EML1: variants seen among roughly 807,000 people sequenced by gnomAD.
EML1 encodes echinoderm microtubule-associated protein-like 1.
In EML1, 27 loss-of-function variants were observed where a neutral mutation model predicts 110.4. The observed-to-expected ratio is 0.24, with a 90% CI of 0.18 to 0.34. EML1 has a LOEUF of 0.34. Among genes scored for constraint, EML1 ranks in the 10% least tolerant of loss-of-function variants. The pLI, the probability that EML1 is intolerant of heterozygous loss-of-function variation, is 1.00. For synonymous variants in EML1, 344 were observed against 385.8 expected (o/e 0.89, Z 1.27); for missense variants, 741 against 1,030.9 (o/e 0.72, Z 3.85).
At chr14:99,848,002 G>A (rs1376257364) in intron 1 of EML1, among the ~76,000 whole-genome samples, 1 of 151,812 alleles carries the variant, frequency 6.6e-6, no homozygotes, top group East Asian at 1.9e-4. Context: ...TGAAATTATT[G>A]CTTTAATGTA....
chr14:99,911,360 A>G, intron 12 of EML1, 62 bp from the exon 13 acceptor site: 3 of 1,524,746 alleles, frequency 2.0e-6, no homozygotes, highest in Non-Finnish European at 2.6e-6. Context: ...AGATGAGATT[A>G]GAAAATGGGC....
chr14:99,931,806 A>T (rs1294665823), intron 17 of EML1, among the ~76,000 whole-genome samples: 1 of 152,216 alleles, frequency 6.6e-6, no homozygotes, highest in Non-Finnish European at 1.5e-5. Flanking sequence ...GAATGTAGGT[A>T]AAAGAGCTAG....
Position 99,751,917 on chromosome 14 carries a change from G to A in EML1, c.28+14057G>A, listed in dbSNP as rs535390043. Reference sequence around the variant, plus strand: ...GAGCCAGGGAGGGTTTTGGGCAGAGGAGTGACAGGACCTCACATCCGTTTT... The same window carrying A: ...GAGCCAGGGAGGGTTTTGGGCAGAGAAGTGACAGGACCTCACATCCGTTTT... On this transcript the variant is annotated intron_variant, in intron 1 of 10. Coordinates refer to the EML1 transcript ENST00000554479. Among the ~76,000 whole-genome samples the A allele has an allele frequency of 3.3e-5, 5 of 152,124 alleles. 1 individual carries two copies. Among genetic ancestry groups the A allele is most frequent in the Admixed American group, 6.5e-5 (1 of 15,284 alleles).
intron 20 of EML1, 32 bp downstream of exon 20, chr14:99,937,944 C>A: frequency 6.3e-7 from 1 of 1,584,862 alleles, no homozygotes; most frequent in Non-Finnish European, 8.7e-7. Flanking sequence ...CTGGTTCCAA[C>A]AAAAGAGTGT....
In EML1 at chr14:99,828,906, C is replaced by T. The variant is rs139652503; in HGVS notation, c.68-21947C>T. On this transcript the variant is annotated intron_variant, in intron 1 of 21. Coordinates refer to ENST00000262233, the MANE Select transcript of EML1 (RefSeq NM_004434.3). ...ACGGTCTTCATCCTCGTCGTCTTCA[C>T]GTTGAGTAGGCTGAGGAGGAGGAGG... is the stretch of plus-strand genomic sequence containing the variant. 8.9e-4 allele frequency among the ~76,000 whole-genome samples: 135 copies of T among 152,166 alleles called. 1 individual carries two copies. The East Asian group carries it at 0.019, about 21-fold the overall frequency.
At position 99,888,491 on chromosome 14, in the gene EML1, T is replaced by C. The variant is rs138230842; in HGVS notation, c.519-2708T>C. On this transcript the variant is annotated intron_variant, in intron 4 of 21. Coordinates refer to ENST00000262233, the MANE Select transcript of EML1 (RefSeq NM_004434.3). ...CCTGGCTTCCCTTTGATTATGTTTC[T>C]GTAATTAGATTTGCCTCGTAGTCTT... 1.4e-3 allele frequency among the ~76,000 whole-genome samples: 217 copies of C among 152,384 alleles called. 2 individuals carry two copies. Among genetic ancestry groups the C allele is most frequent in the South Asian group, 0.012 (59 of 4,830 alleles).
At chr14:99,885,911 C>T (rs1311813397) in intron 4 of EML1, 1 of 455,686 alleles carries the variant, frequency 2.2e-6, no homozygotes, top group Non-Finnish European at 4.4e-6. Flanking sequence ...AGCCCCTCAC[C>T]CAAGCCCTAG....
chr14:99,858,955 T>C (rs1199802740), intron 2 of EML1, among the ~76,000 whole-genome samples: 1 of 152,204 alleles, frequency 6.6e-6, no homozygotes, highest in East Asian at 1.9e-4. Context: ...ATAGTGCACA[T>C]TGCATTATTG....
intron 1 of EML1, among the ~76,000 whole-genome samples, chr14:99,776,948 G>A (rs551208849): frequency 6.6e-6 from 1 of 152,266 alleles, no homozygotes; most frequent in African/African-American, 2.4e-5. Flanking sequence ...ATGTAGAATT[G>A]AGAGTTCTTC....
At chr14:99,919,709 T>C (rs532436621) in intron 16 of EML1, among the ~76,000 whole-genome samples, 1 of 152,338 alleles carries the variant, frequency 6.6e-6, no homozygotes, top group Admixed American at 6.5e-5. Flanking sequence ...CTCCCGATGC[T>C]GTTGATTTAA....
At position 99,761,410 on chromosome 14, in the gene EML1, G is replaced by A. The variant is rs543867389; in HGVS notation, c.28+23550G>A. Reference sequence around the variant, plus strand: ...GAAGAAGGAAGGCTGGCAGAGCGGTGTGCTGGGTGTCAGACACAGACCAGG... The same window carrying A: ...GAAGAAGGAAGGCTGGCAGAGCGGTATGCTGGGTGTCAGACACAGACCAGG... On this transcript the variant is annotated intron_variant, in intron 1 of 10. Coordinates refer to the EML1 transcript ENST00000554479. Among the ~76,000 whole-genome samples, 25 of 152,334 alleles carry A rather than the reference G, an allele frequency of 1.6e-4. No homozygotes were observed. The South Asian group carries it at 5.2e-3, about 32-fold the overall frequency.
intron 1 of EML1, among the ~76,000 whole-genome samples, chr14:99,805,521 C>CTGGA (rs2057955317): frequency 6.6e-6 from 1 of 152,138 alleles, no homozygotes; most frequent in South Asian, 2.1e-4. Context: ...GTTGCCCAGG[C>CTGGA]TGGAGCGCAG....
At chr14:99,811,482 C>T (rs1460267767) in intron 1 of EML1, among the ~76,000 whole-genome samples, 1 of 151,610 alleles carries the variant, frequency 6.6e-6, no homozygotes, top group African/African-American at 2.4e-5. Flanking sequence ...TCTTACAATA[C>T]AGTGAGCTAG....
intron 1 of EML1, among the ~76,000 whole-genome samples, chr14:99,836,798 G>T (rs2058548491): frequency 6.6e-6 from 1 of 152,036 alleles, no homozygotes; most frequent in African/African-American, 2.4e-5. Context: ...TAGTTACTTG[G>T]AGACATTTTG....
Position 99,747,084 on chromosome 14 carries a change from AG to A in EML1, c.28+9226del, listed in dbSNP as rs1267242621. ...GCACCTGTAGTCCCAGCTACTCAGAAGGCTGAGGGAGGAGAATGGCGTGAAC... is the reference window on the plus strand; with the variant it reads ...GCACCTGTAGTCCCAGCTACTCAGAAGCTGAGGGAGGAGAATGGCGTGAAC... On this transcript the variant is annotated intron_variant, in intron 1 of 10. Coordinates refer to the EML1 transcript ENST00000554479. Among the ~76,000 whole-genome samples, 3 of 150,356 alleles carry A rather than the reference AG, an allele frequency of 2.0e-5. No homozygotes were observed. In the Admixed American group the frequency reaches 2.0e-4, roughly 10 times the overall value.
intron 1 of EML1, among the ~76,000 whole-genome samples, chr14:99,810,126 G>A (rs976446834): frequency 6.6e-6 from 1 of 152,132 alleles, no homozygotes; most frequent in Non-Finnish European, 1.5e-5. Context: ...TGGCGTGTAG[G>A]AAGCTGGCGC....
chr14:99,747,851 C>T (rs2057130160), intron 1 of EML1, among the ~76,000 whole-genome samples: 1 of 152,184 alleles, frequency 6.6e-6, no homozygotes, highest in Non-Finnish European at 1.5e-5. Context: ...CGGGAAGGGG[C>T]CTCATCTCAC....
intron 17 of EML1, 145 bp downstream of exon 17, chr14:99,921,022 G>T: frequency 1.5e-6 from 1 of 681,314 alleles, no homozygotes; most frequent in Non-Finnish European, 2.4e-6. Context: ...CATCACCCAC[G>T]TATTAAGCCC....
intron 2 of EML1, among the ~76,000 whole-genome samples, chr14:99,852,491 C>T (rs186088471): frequency 7.8e-4 from 119 of 152,186 alleles, no homozygotes; most frequent in African/African-American, 1.2e-3. Flanking sequence ...AGCAAGTGCC[C>T]GTGGTCCCAG....
Sources: gnomAD v4.1 joint callset for allele counts (sites outside exome capture counted in the v4.1 genomes callset) on GRCh38, gnomAD v4.1.1 for gene constraint, MANE v1.5 for transcripts, NCBI Gene and HGNC (gene_info 2026-07-23, HGNC 2026-07-21) for gene names.